Variants in NAALADL2 observed in about 807,000 individuals in gnomAD.
NAALADL2 encodes the protein N-acetylated alpha-linked acidic dipeptidase like 2, also known as inactive N-acetylated-alpha-linked acidic dipeptidase-like protein 2.
NAALADL2 carries 76 observed loss-of-function variants against 87.2 expected under a neutral mutation model. The observed-to-expected ratio is 0.87, with a 90% confidence interval of 0.72 to 1.05. The LOEUF (loss-of-function observed/expected upper bound fraction) is 1.05. Among genes scored for constraint, NAALADL2 ranks in the 50% least tolerant of loss-of-function variants. The pLI is 0.00. For missense variants in NAALADL2, 1,089 were observed against 945.8 expected, an observed-to-expected ratio of 1.15 and a Z score of -1.99; for synonymous variants, 354 against 331.0, an observed-to-expected ratio of 1.07 and a Z score of -0.75.
At chr3:174,999,803 A>T (rs1450092958) in intron 1 of NAALADL2, among the ~76,000 whole-genome samples, 1 of 152,200 alleles carries the variant, frequency 6.6e-6, no homozygotes, top group Non-Finnish European at 1.5e-5. Flanking sequence ...TCAATATTAA[A>T]GTTATTAAAC....
chr3:175,439,390 T>C (rs910510966), intron 5 of NAALADL2, among the ~76,000 whole-genome samples: 1 of 152,040 alleles, frequency 6.6e-6, no homozygotes, highest in Non-Finnish European at 1.5e-5. Flanking sequence ...ATGGTAGATA[T>C]ATTTTTAGTT....
chr3:174,491,336 G>A (rs1718181185), intron 1 of NAALADL2, among the ~76,000 whole-genome samples: 1 of 152,150 alleles, frequency 6.6e-6, no homozygotes, highest in African/African-American at 2.4e-5. Context: ...AGTAGTCTGA[G>A]CAAAAATTGT....
At chr3:175,425,788 C>T (rs561731551) in intron 5 of NAALADL2, among the ~76,000 whole-genome samples, 2 of 152,176 alleles carry the variant, frequency 1.3e-5, no homozygotes, top group South Asian at 2.1e-4. Flanking sequence ...CTAGGATCAT[C>T]TGTGTTGTGG....
At chr3:174,875,748 G>A (rs1728425488) in intron 1 of NAALADL2, among the ~76,000 whole-genome samples, 1 of 151,398 alleles carries the variant, frequency 6.6e-6, no homozygotes, top group Admixed American at 6.6e-5. Flanking sequence ...AATAATTTTT[G>A]GCATTTTTTC....
chr3:175,609,289 A>T (rs1403920308), intron 10 of NAALADL2, among the ~76,000 whole-genome samples: 1 of 152,182 alleles, frequency 6.6e-6, no homozygotes, highest in East Asian at 1.9e-4. Context: ...ATTTTTAAGG[A>T]TATTAATATA....
chr3:175,064,995 T>C (rs1714278411), intron 1 of NAALADL2, among the ~76,000 whole-genome samples: 1 of 152,104 alleles, frequency 6.6e-6, no homozygotes, highest in Non-Finnish European at 1.5e-5. Flanking sequence ...AAATTCATTT[T>C]CGACAATTAC....
intron 2 of NAALADL2, among the ~76,000 whole-genome samples, chr3:174,618,186 C>A (rs761246854): frequency 1.3e-5 from 2 of 151,630 alleles, no homozygotes; most frequent in African/African-American, 2.4e-5. Flanking sequence ...AAAATGATAA[C>A]CAGAGGTCAG....
chr3:174,480,767 C>T (rs1717498978), intron 1 of NAALADL2, among the ~76,000 whole-genome samples: 1 of 152,048 alleles, frequency 6.6e-6, no homozygotes, highest in Admixed American at 6.6e-5. Context: ...TGGGGCTTTA[C>T]ATGGTGGTAG....
chr3:175,467,265 A>G (rs1724211384), intron 8 of NAALADL2, 81 bp downstream of exon 8: 1 of 1,172,828 alleles, frequency 8.5e-7, no homozygotes. Flanking sequence ...TTCAAAGCCA[A>G]GGGCAATAAT....
intron 5 of NAALADL2, among the ~76,000 whole-genome samples, chr3:175,392,621 T>C (rs1441812366): frequency 6.6e-6 from 1 of 152,234 alleles, no homozygotes; most frequent in Non-Finnish European, 1.5e-5. Context: ...CTATTTGTAA[T>C]GCAGCACAAC....
At chr3:175,313,894 C>A (rs1020619361) in intron 4 of NAALADL2, among the ~76,000 whole-genome samples, 1 of 151,732 alleles carries the variant, frequency 6.6e-6, no homozygotes, top group Non-Finnish European at 1.5e-5. Flanking sequence ...AAAACCATGT[C>A]TCTACTAAAA....
chr3:175,398,546 A>C (rs1197005552), intron 5 of NAALADL2, among the ~76,000 whole-genome samples: 1 of 135,716 alleles, frequency 7.4e-6, no homozygotes, highest in Non-Finnish European at 1.6e-5. Flanking sequence ...ACTATAAGGA[A>C]GTTTTTGCAG....
chr3:175,162,285 A>G (rs751952803), intron 2 of NAALADL2, among the ~76,000 whole-genome samples: 4 of 152,106 alleles, frequency 2.6e-5, no homozygotes, highest in East Asian at 1.9e-4. Context: ...TTTATCCACA[A>G]TGTTGTGTAT....
chr3:175,679,639 A>G (rs1735319833), intron 11 of NAALADL2, among the ~76,000 whole-genome samples: 1 of 152,114 alleles, frequency 6.6e-6, no homozygotes, highest in Non-Finnish European at 1.5e-5. Context: ...CTTTTTAGCA[A>G]TCTTAATTAG....
intron 4 of NAALADL2, among the ~76,000 whole-genome samples, chr3:175,309,998 A>G (rs1276809219): frequency 1.3e-5 from 2 of 152,170 alleles, no homozygotes; most frequent in Non-Finnish European, 2.9e-5. Flanking sequence ...TGGCAGGCCA[A>G]ACAACAGAAA....
intron 12 of NAALADL2, among the ~76,000 whole-genome samples, chr3:175,748,863 A>G (rs1746259731): frequency 6.6e-6 from 1 of 151,968 alleles, no homozygotes; most frequent in Admixed American, 6.6e-5. Flanking sequence ...CCACCACTAT[A>G]GGATGCTGAG....
At chr3:174,831,852 G>C (rs867780357) in intron 3 of NAALADL2, among the ~76,000 whole-genome samples, 4 of 149,774 alleles carry the variant, frequency 2.7e-5, no homozygotes, top group African/African-American at 9.8e-5. Context: ...TGTATGTGTC[G>C]AGGAATTTAT....
chr3:174,964,753 G>T (rs1482278020), intron 1 of NAALADL2, among the ~76,000 whole-genome samples: 1 of 151,892 alleles, frequency 6.6e-6, no homozygotes, highest in Non-Finnish European at 1.5e-5. Flanking sequence ...TGTAATAATA[G>T]TAGTAATAGT....
At chr3:175,783,118 A>ATAGTT (rs1300311110) in intron 13 of NAALADL2, among the ~76,000 whole-genome samples, 2 of 151,878 alleles carry the variant, frequency 1.3e-5, no homozygotes, top group Non-Finnish European at 2.9e-5. Flanking sequence ...GCCTTGTAGT[A>ATAGTT]TAGTTTGAAG....
Sources: allele counts gnomAD v4.1 joint callset (sites outside exome capture counted in the v4.1 genomes callset), GRCh38; gene constraint gnomAD v4.1.1; transcripts MANE v1.5; gene names NCBI Gene and HGNC (gene_info 2026-07-23, HGNC 2026-07-21).